The following SLC16A9 variants were observed in gnomAD, a reference collection of about 807,000 sequenced individuals.
SLC16A9 encodes monocarboxylate transporter 9.
A neutral mutation model predicts 44.3 loss-of-function variants in SLC16A9; 26 were observed. The observed-to-expected ratio is 0.59, with a 90% CI of 0.43 to 0.81. SLC16A9 has a LOEUF of 0.81. SLC16A9 is among the 40% of genes least tolerant of loss of function. The probability of loss-of-function intolerance (pLI) is 0.00; values close to 1 mark genes in which losing one functional copy is unlikely to be tolerated. For missense variants in SLC16A9, 559 were observed against 595.8 expected, an observed-to-expected ratio of 0.94 and a Z score of 0.64; for synonymous variants, 230 against 225.1, an observed-to-expected ratio of 1.02 and a Z score of -0.19.
In SLC16A9 at chr10:59,657,340, C is replaced by T. The variant is rs181089923; in HGVS notation, c.437-2751G>A. ...CACTACAGAGGAAGATCGCTTCCCC[C>T]AAACCTTCATTTCATGCCCACATTC... On this transcript the variant is annotated intron_variant, in intron 4 of 5. Coordinates refer to ENST00000395348, the MANE Select transcript of SLC16A9 (RefSeq NM_194298.3). 7.3e-4 allele frequency among the ~76,000 whole-genome samples: 111 copies of T among 152,312 alleles called. No homozygotes were observed. In the Middle Eastern group the frequency reaches 0.014, roughly 19 times the overall value.
At chr10:59,673,928 A>C (rs1421990554) in intron 2 of SLC16A9, among the ~76,000 whole-genome samples, 2 of 152,228 alleles carry the variant, frequency 1.3e-5, no homozygotes, top group Admixed American at 1.3e-4. Flanking sequence ...CAACATAAAA[A>C]GTACAACCCA....
At chr10:59,703,670 A>G (rs1054622981) in intron 1 of SLC16A9, among the ~76,000 whole-genome samples, 4 of 152,082 alleles carry the variant, frequency 2.6e-5, no homozygotes, top group African/African-American at 9.7e-5. Flanking sequence ...TGGCGGACTC[A>G]ATGTTTTTGG....
chr10:59,687,997 GA>G (rs1840172059), intron 1 of SLC16A9, among the ~76,000 whole-genome samples: 2 of 149,728 alleles, frequency 1.3e-5, no homozygotes, highest in Admixed American at 6.6e-5. Context: ...GAAAAGAAAA[GA>G]AAAATTTTCC....
intron 4 of SLC16A9, among the ~76,000 whole-genome samples, chr10:59,656,271 T>C (rs1473933286): frequency 6.6e-6 from 1 of 152,240 alleles, no homozygotes; most frequent in Non-Finnish European, 1.5e-5. Context: ...ATGTACTGCA[T>C]TAGTACCCAT....
At chr10:59,708,462 G>A (rs950961193) in intron 1 of SLC16A9, 1 of 152,120 alleles carries the variant, frequency 6.6e-6, no homozygotes, top group African/African-American at 2.4e-5. Context: ...AGAATTTGAT[G>A]GAACAACGGA....
At chr10:59,678,554 T>TTTTTTTTTTTTTTTTTTTTTTTATAAG in intron 2 of SLC16A9, among the ~76,000 whole-genome samples, 1 of 68,890 alleles carries the variant, frequency 1.5e-5, no homozygotes, top group African/African-American at 4.4e-5. Context: ...TTCTTTTTTT[T>TTTTTTTTTTTTTTTTTTTTTTTATAAG]GAGACGGAGT....
chr10:59,654,049 A>T lies in SLC16A9; in HGVS notation c.977T>A (p.Leu326His). 9 of 1,614,078 alleles carry T rather than the reference A, an allele frequency of 5.6e-6. No homozygotes were observed. The highest frequency in any genetic ancestry group is 7.6e-6 in the Non-Finnish European group (9 of 1,180,030). The part of the protein sequence containing the change: ...FDIGGFPPSL[L>H]MEDVARSSNV... ...TGAACTTCTTGCTACATCTTCCATA[A>T]GTAATGAAGGTGGAAACCCTCCGAT... The change falls in exon 5 of 6, where the codon CTT (leucine) becomes CAT (histidine). Residue 326 changes from leucine (L) to histidine (H), a missense_variant. Coordinates refer to ENST00000395348, the MANE Select transcript of SLC16A9 (RefSeq NM_194298.3).
intron 1 of SLC16A9, among the ~76,000 whole-genome samples, chr10:59,691,832 G>C (rs1840259611): frequency 6.6e-6 from 1 of 152,112 alleles, no homozygotes; most frequent in South Asian, 2.1e-4. Flanking sequence ...CTGGATATAG[G>C]CTGTCAGAAC....
At chr10:59,679,912 A>G (rs1839950403) in intron 2 of SLC16A9, among the ~76,000 whole-genome samples, 1 of 152,206 alleles carries the variant, frequency 6.6e-6, no homozygotes, top group African/African-American at 2.4e-5. Context: ...TAGCTTCCTC[A>G]AAGGCTATCC....
At chr10:59,659,162 T>G (rs947489228) in intron 4 of SLC16A9, among the ~76,000 whole-genome samples, 2 of 152,180 alleles carry the variant, frequency 1.3e-5, no homozygotes, top group African/African-American at 4.8e-5. Flanking sequence ...AAATTATATT[T>G]TATATTTTCC....
intron 1 of SLC16A9, among the ~76,000 whole-genome samples, chr10:59,687,245 C>A (rs1434864820): frequency 6.6e-6 from 1 of 152,190 alleles, no homozygotes; most frequent in Non-Finnish European, 1.5e-5. Context: ...ACAGTACATA[C>A]AGAATAATAC....
chr10:59,669,837 G>A lies in SLC16A9; in HGVS notation c.340+2933C>T, dbSNP rs1003886578. 5.9e-5 allele frequency among the ~76,000 whole-genome samples: 9 copies of A among 151,844 alleles called. No individual in the cohort carries two copies. The South Asian group carries it at 8.3e-4, about 14-fold the overall frequency. ...TACAGAATAAACAAATGGATTTACC[G>A]TAACAGAGTACAAATCTATACTGAT... On this transcript the variant is annotated intron_variant, in intron 3 of 5. Transcript: ENST00000395348.
In SLC16A9 at chr10:59,675,118, A is replaced by G. The variant is rs553268365; in HGVS notation, c.197-2205T>C. On this transcript the variant is annotated intron_variant, in intron 2 of 5. Transcript: ENST00000395348. ...ATCTGCTGCTGATTTAGAGAAATAT[A>G]TCATTAGGTCAGAGATTAAAGACAA... Among the ~76,000 whole-genome samples the G allele has an allele frequency of 2.5e-3, 375 of 152,308 alleles. 2 individuals carry two copies. The highest frequency in any genetic ancestry group is 8.1e-3 in the African/African-American group (338 of 41,566).
At chr10:59,676,579 GA>G (rs34056493) in intron 2 of SLC16A9, among the ~76,000 whole-genome samples, 34 of 152,062 alleles carry the variant, frequency 2.2e-4, no homozygotes, top group South Asian at 2.1e-4. Flanking sequence ...AAAAGGGGGG[GA>G]AAAAGGGGCA....
At chr10:59,685,321 T>C (rs1840108140) in intron 1 of SLC16A9, among the ~76,000 whole-genome samples, 1 of 152,138 alleles carries the variant, frequency 6.6e-6, no homozygotes, top group African/African-American at 2.4e-5. Flanking sequence ...TGGTTCATAA[T>C]GAAAAAAAGA....
At position 59,652,235 on chromosome 10, in the gene SLC16A9, T is replaced by C. The variant is rs929795057; in HGVS notation, c.*537A>G. 1.3e-5 allele frequency: 2 copies of C among 152,206 alleles called. No individual in the cohort carries two copies. Among genetic ancestry groups the C allele is most frequent in the African/African-American group, 4.8e-5 (2 of 41,446 alleles). 9.4% of individuals were successfully genotyped at this position (152,206 alleles called of 1,614,324 possible). A position where few individuals can be genotyped will look rare whatever the true frequency, so the allele number is the denominator to read the frequency against. ...ATATATTTTTTTAAAAAATGACCAATTTGCTCCACTGCAATTCTTAAGGCT... is the reference window on the plus strand; with the variant it reads ...ATATATTTTTTTAAAAAATGACCAACTTGCTCCACTGCAATTCTTAAGGCT... On this transcript the variant is annotated 3_prime_UTR_variant, in exon 6 of 6. Coordinates refer to ENST00000395348, the MANE Select transcript of SLC16A9 (RefSeq NM_194298.3).
At chr10:59,674,046 G>A (rs1010676142) in intron 2 of SLC16A9, among the ~76,000 whole-genome samples, 10 of 152,148 alleles carry the variant, frequency 6.6e-5, no homozygotes, top group African/African-American at 1.7e-4. Flanking sequence ...TCAGAAGAGC[G>A]CAAAGCCAAA....
At chr10:59,681,089 G>A (rs1839975510) in intron 2 of SLC16A9, among the ~76,000 whole-genome samples, 1 of 151,996 alleles carries the variant, frequency 6.6e-6, no homozygotes, top group African/African-American at 2.4e-5. Context: ...ATGCTGAAAT[G>A]GTCCCATAGA....
At chr10:59,710,040 G>A (rs1840731718), upstream of SLC16A9, 2 of 152,206 alleles carry the variant, frequency 1.3e-5, no homozygotes, top group African/African-American at 4.8e-5. Context: ...AGCCACGAGA[G>A]AGGTGGGCGC....
Sources: gnomAD v4.1 joint callset for allele counts (sites outside exome capture counted in the v4.1 genomes callset) on GRCh38, gnomAD v4.1.1 for gene constraint, MANE v1.5 for transcripts, NCBI Gene and HGNC (gene_info 2026-07-23, HGNC 2026-07-21) for gene names.